The following EFTUD2 variants were observed in gnomAD, a reference collection of about 807,000 sequenced individuals.
EFTUD2 encodes 116 kDa U5 small nuclear ribonucleoprotein component.
EFTUD2 carries 9 observed loss-of-function variants against 114.3 expected under a neutral mutation model. That is an observed-to-expected ratio of 0.08 (90% confidence interval 0.05 to 0.14). EFTUD2 has a LOEUF of 0.14. Ranked by LOEUF, EFTUD2 falls within the 10% of genes least tolerant of loss-of-function variation. The pLI is 1.00. For synonymous variants in EFTUD2, 449 were observed against 462.3 expected (o/e 0.97, Z 0.37); for missense variants, 765 against 1,241.2 (o/e 0.62, Z 5.76).
intron 1 of EFTUD2, among the ~76,000 whole-genome samples, chr17:44,898,561 C>CA (rs1254605185): frequency 2.0e-5 from 3 of 152,184 alleles, no homozygotes; most frequent in Admixed American, 1.3e-4. Context: ...TGGAACAAGC[C>CA]AAGCTCATTT....
intron 9 of EFTUD2, among the ~76,000 whole-genome samples, chr17:44,878,044 G>A (rs760006719): frequency 3.9e-5 from 6 of 151,956 alleles, no homozygotes; most frequent in African/African-American, 9.7e-5. Flanking sequence ...GCTGAGACAG[G>A]AGAATTGCTT....
chr17:44,878,481 G>A (rs922038457), intron 9 of EFTUD2, among the ~76,000 whole-genome samples: 2 of 152,100 alleles, frequency 1.3e-5, no homozygotes, highest in African/African-American at 4.8e-5. Context: ...ATTCTATAAC[G>A]GAAATTGTTG....
At chr17:44,877,642 C>CA (rs1302284967) in intron 9 of EFTUD2, among the ~76,000 whole-genome samples, 1 of 151,330 alleles carries the variant, frequency 6.6e-6, no homozygotes, top group Non-Finnish European at 1.5e-5. Flanking sequence ...CCCATTTCTA[C>CA]AAAAAATTCA....
chr17:44,875,231 T>G (rs768709399), intron 10 of EFTUD2, among the ~76,000 whole-genome samples: 17 of 151,622 alleles, frequency 1.1e-4, no homozygotes, highest in Non-Finnish European at 1.9e-4. Context: ...AAAATAAAAA[T>G]TAAAATTAAA....
intron 6 of EFTUD2, 156 bp from the exon 7 acceptor site, chr17:44,881,878 T>C (rs555181299): frequency 3.2e-5 from 21 of 655,782 alleles, no homozygotes; most frequent in Non-Finnish European, 4.9e-5. Context: ...TTACAGACAA[T>C]GAGACCAGTG....
chr17:44,850,438 A>C lies in EFTUD2; in HGVS notation c.*836T>G. 3.5e-6 allele frequency: 5 copies of C among 1,424,068 alleles called. No homozygotes were observed. The highest frequency in any genetic ancestry group is 3.0e-6 in the Non-Finnish European group (3 of 1,012,414). The allele number at this position is 1,424,068 out of a possible 1,614,324, so 88.2% of individuals were successfully genotyped here. On this transcript the variant is annotated 3_prime_UTR_variant, in exon 28 of 28. Transcript: ENST00000426333. ...GGGGCTGTCCAACTCCCCTAACTCA[A>C]TCCCTGGTACATTCCTAATAAAGCA...
chr17:44,875,372 T>C (rs2050928082), intron 10 of EFTUD2, among the ~76,000 whole-genome samples: 1 of 151,678 alleles, frequency 6.6e-6, no homozygotes, highest in South Asian at 2.1e-4. Flanking sequence ...CTACTAAAAA[T>C]ACAAAAAATT....
chr17:44,883,857 G>A (rs2051117437), intron 4 of EFTUD2, 133 bp from the exon 5 acceptor site: 2 of 746,316 alleles, frequency 2.7e-6, no homozygotes, highest in Admixed American at 2.1e-5. Context: ...AGGCAGATGT[G>A]AATGTCTATA....
At chr17:44,881,336 T>G (rs1432213538) in intron 7 of EFTUD2, among the ~76,000 whole-genome samples, 1 of 152,264 alleles carries the variant, frequency 6.6e-6, no homozygotes, top group Non-Finnish European at 1.5e-5. Flanking sequence ...GGACTCATCC[T>G]GCGGATTTTT....
intron 15 of EFTUD2, 127 bp from the exon 16 acceptor site, chr17:44,863,033 A>G: frequency 1.4e-6 from 1 of 732,004 alleles, no homozygotes; most frequent in Non-Finnish European, 2.2e-6. Flanking sequence ...AGGTAGTCTC[A>G]TCTCCAAACC....
At chr17:44,855,997 C>T (rs2050544707) in intron 20 of EFTUD2, among the ~76,000 whole-genome samples, 1 of 150,456 alleles carries the variant, frequency 6.6e-6, no homozygotes, top group African/African-American at 2.4e-5. Context: ...GTGTGGTTAG[C>T]ACACCTGTAG....
intron 10 of EFTUD2, chr17:44,873,202 G>A (rs1261253190): frequency 6.6e-6 from 1 of 152,168 alleles, no homozygotes; most frequent in Non-Finnish European, 1.5e-5. Context: ...TAGAAATAAA[G>A]GTATGGCTTA....
At chr17:44,883,887 G>C (rs1372746357) in intron 4 of EFTUD2, 163 bp from the exon 5 acceptor site, 23 of 637,366 alleles carry the variant, frequency 3.6e-5, no homozygotes, top group Non-Finnish European at 6.5e-5. Context: ...CTCTGGCTTT[G>C]GGAATGCAAG....
rs1407516674 is a variant in EFTUD2 at position 44,854,874 on chromosome 17, A to C, written c.2132+44T>G. 1 of 1,595,554 alleles carries C rather than the reference A, an allele frequency of 6.3e-7. No homozygotes were observed. Among genetic ancestry groups the C allele is most frequent in the South Asian group, 1.1e-5 (1 of 90,674 alleles). Reference sequence around the variant, plus strand: ...AGAGACCCGGCAGTTAAACTGTGGCATCCCTGCCTCCTTTCGACCCTGGCG... The same window carrying C: ...AGAGACCCGGCAGTTAAACTGTGGCCTCCCTGCCTCCTTTCGACCCTGGCG... On this transcript the variant is annotated intron_variant, in intron 21 of 27. Transcript: ENST00000426333. The surrounding 1 kb of genome is among the most constrained non-coding windows in gnomAD (Gnocchi z 4.3).
rs184134293 is a variant in EFTUD2 at position 44,860,220 on chromosome 17, G to C, written c.1720-175C>G. 1,932 of 891,018 alleles carry C rather than the reference G, an allele frequency of 2.2e-3. 4 individuals carry two copies. The highest frequency in any genetic ancestry group is 2.7e-3 in the Non-Finnish European group (1,558 of 580,932). 55.2% of individuals were successfully genotyped at this position (891,018 alleles called of 1,614,324 possible). The stretch of plus-strand genomic sequence containing the variant: ...CCATTTCTTCCCAGGTATTCTGGCA[G>C]AACAAAGAGAGGAGGAAAATAATAA... On this transcript the variant is annotated intron_variant, in intron 17 of 27. Transcript: ENST00000426333.
In EFTUD2 at chr17:44,852,686, C is replaced by G. The variant is rs1314545654; in HGVS notation, c.2562-124G>C. On this transcript the variant is annotated intron_variant, in intron 25 of 27. Transcript: ENST00000426333. ...GAGTTACCATCAAAGAAAGAGTAAC[C>G]AAGAATGTTCTACAAAAAGCAGAAA... 5.0e-6 allele frequency: 6 copies of G among 1,206,556 alleles called. No homozygotes were observed. The South Asian group carries it at 9.3e-5, about 19-fold the overall frequency. The allele number at this position is 1,206,556 out of a possible 1,614,324, so 74.7% of individuals were successfully genotyped here.
At chr17:44,884,032 C>T (rs763377327) in intron 4 of EFTUD2, 19 of 320,256 alleles carry the variant, frequency 5.9e-5, no homozygotes, top group Non-Finnish European at 5.5e-5. Context: ...TTTGGGAGGC[C>T]GAGGTGGGTG....
chr17:44,856,832 G>A (rs977355911), intron 20 of EFTUD2, among the ~76,000 whole-genome samples: 1 of 151,906 alleles, frequency 6.6e-6, no homozygotes, highest in African/African-American at 2.4e-5. Flanking sequence ...ATTTTATAGA[G>A]ACAAAGTGGC....
At position 44,868,302 on chromosome 17, in the gene EFTUD2, T is replaced by C. The variant is rs1411088923; in HGVS notation, c.1043A>G (p.Tyr348Cys). The C allele has an allele frequency of 6.2e-7, 1 of 1,614,028 alleles. No homozygotes were observed. Among genetic ancestry groups the C allele is most frequent in the Non-Finnish European group, 8.5e-7 (1 of 1,179,956 alleles). The change falls in exon 12 of 28, where the codon TAC becomes TGC. Residue 348 changes from tyrosine (Y) to cysteine (C), a missense_variant. By Grantham distance (194) the Tyr-to-Cys change is radical. Around this residue, in one of 6 missense-constraint regions of EFTUD2, gnomAD observed 251 missense variants for 357.7 expected, o/e 0.70. Transcript: ENST00000426333. ...EFAKRLWGDI[Y>C]FNPKTRKFTK... ...CTCTACTTACGTCTTAGGGTTGAAG[T>C]AGATGTCACCCCAGAGTCTTTTAGC...
Sources: allele counts gnomAD v4.1 joint callset (sites outside exome capture counted in the v4.1 genomes callset), GRCh38; gene constraint gnomAD v4.1.1; regional missense constraint gnomAD v4.1.1; non-coding constraint Gnocchi (gnomAD v3.1); transcripts MANE v1.5; gene names NCBI Gene and HGNC (gene_info 2026-07-23, HGNC 2026-07-21).